Variants in CCSER1 observed in about 807,000 individuals in gnomAD.
The protein encoded by CCSER1 is serine-rich coiled-coil domain-containing protein 1.
In CCSER1, 41 loss-of-function variants were observed where a neutral mutation model predicts 82.0. The ratio of observed to expected loss-of-function variants is 0.50; its 90% CI spans 0.39 to 0.65. CCSER1 has a LOEUF of 0.65. Ranked by LOEUF, CCSER1 falls within the 30% of genes least tolerant of loss-of-function variation. CCSER1 has a pLI of 0.00. For missense variants in CCSER1, 1,119 were observed against 1,064.2 expected (o/e 1.05, Z -0.72); for synonymous variants, 414 against 383.9 (o/e 1.08, Z -0.92).
chr4:90,162,499 C>T (rs1288906973), intron 1 of CCSER1, among the ~76,000 whole-genome samples: 5 of 151,898 alleles, frequency 3.3e-5, no homozygotes, highest in African/African-American at 1.2e-4. Context: ...GTTAACGTAA[C>T]ATAATGGATT....
chr4:90,302,998 A>G (rs1733470236), intron 1 of CCSER1, among the ~76,000 whole-genome samples: 1 of 152,128 alleles, frequency 6.6e-6, no homozygotes, highest in South Asian at 2.1e-4. Context: ...CCTATAGTCT[A>G]TTTTCCTCTT....
intron 5 of CCSER1, among the ~76,000 whole-genome samples, chr4:90,623,023 A>ATTTT (rs35838784): frequency 1.1e-4 from 12 of 112,614 alleles, no homozygotes; most frequent in East Asian, 1.1e-3. Context: ...TGGGTAAAGG[A>ATTTT]TTTTTTTTTT....
intron 9 of CCSER1, among the ~76,000 whole-genome samples, chr4:90,968,496 C>G (rs1465157145): frequency 1.3e-5 from 2 of 152,074 alleles, no homozygotes; most frequent in African/African-American, 4.8e-5. Flanking sequence ...CTAAGCACTT[C>G]AGAGCAAACT....
intron 10 of CCSER1, among the ~76,000 whole-genome samples, chr4:91,301,888 T>C (rs1744696846): frequency 6.6e-6 from 1 of 151,984 alleles, no homozygotes; most frequent in Admixed American, 6.6e-5. Flanking sequence ...CTCATTGATT[T>C]TTCTCTTTTG....
At chr4:91,193,821 G>A (rs915051416) in intron 10 of CCSER1, among the ~76,000 whole-genome samples, 2 of 109,646 alleles carry the variant, frequency 1.8e-5, no homozygotes, top group African/African-American at 8.5e-5. Flanking sequence ...TTGTTTTATT[G>A]ATTTTTTTTT....
At chr4:90,260,622 C>T (rs1373651102) in intron 1 of CCSER1, among the ~76,000 whole-genome samples, 1 of 152,116 alleles carries the variant, frequency 6.6e-6, no homozygotes, top group Non-Finnish European at 1.5e-5. Context: ...TTTTCTATCC[C>T]TTTGACCTTG....
intron 9 of CCSER1, among the ~76,000 whole-genome samples, chr4:90,983,054 C>T (rs1384046270): frequency 1.3e-5 from 2 of 151,744 alleles, no homozygotes; most frequent in Non-Finnish European, 2.9e-5. Flanking sequence ...GCATGACTTA[C>T]GCTATGCATA....
intron 7 of CCSER1, among the ~76,000 whole-genome samples, chr4:90,800,968 C>T (rs530658153): frequency 3.9e-4 from 54 of 139,840 alleles, no homozygotes; most frequent in African/African-American, 1.4e-3. Context: ...GCTCTGTTCT[C>T]TTACTGTATA....
At chr4:90,825,414 TTAGAG>T (rs1242781942) in intron 8 of CCSER1, among the ~76,000 whole-genome samples, 1 of 152,174 alleles carries the variant, frequency 6.6e-6, no homozygotes, top group African/African-American at 2.4e-5. Flanking sequence ...ATTCCAGTAC[TTAGAG>T]TAATTTAACA....
chr4:91,096,089 G>T (rs1724481635), intron 10 of CCSER1, among the ~76,000 whole-genome samples: 1 of 152,180 alleles, frequency 6.6e-6, no homozygotes, highest in South Asian at 2.1e-4. Flanking sequence ...AGTTGAGGAG[G>T]TCAGCAGAGG....
chr4:90,238,261 C>T (rs1560855414), intron 1 of CCSER1, among the ~76,000 whole-genome samples: 1 of 152,122 alleles, frequency 6.6e-6, no homozygotes, highest in Non-Finnish European at 1.5e-5. Flanking sequence ...CAGCAATCCA[C>T]TCCAGGAATG....
intron 6 of CCSER1, among the ~76,000 whole-genome samples, chr4:90,668,590 G>C (rs1732226274): frequency 6.6e-6 from 1 of 151,994 alleles, no homozygotes; most frequent in Admixed American, 6.6e-5. Context: ...AGAATGATTT[G>C]ACAAGGATAT....
At chr4:91,412,309 T>A (rs1341037929) in intron 10 of CCSER1, among the ~76,000 whole-genome samples, 6 of 151,348 alleles carry the variant, frequency 4.0e-5, no homozygotes, top group Non-Finnish European at 8.8e-5. Context: ...ATCCACCAAC[T>A]CAGATCCAGC....
At chr4:91,542,710 C>T (rs1350825111) in intron 10 of CCSER1, among the ~76,000 whole-genome samples, 1 of 152,116 alleles carries the variant, frequency 6.6e-6, no homozygotes, top group Non-Finnish European at 1.5e-5. Context: ...CTGAGGAGTG[C>T]TTTACTTCCA....
At chr4:90,506,078 C>T (rs1770639328) in intron 5 of CCSER1, among the ~76,000 whole-genome samples, 1 of 152,176 alleles carries the variant, frequency 6.6e-6, no homozygotes, top group African/African-American at 2.4e-5. Flanking sequence ...TCTGTACCTT[C>T]CTCAGACCTA....
At chr4:91,270,830 C>A (rs1741968390) in intron 10 of CCSER1, among the ~76,000 whole-genome samples, 1 of 152,060 alleles carries the variant, frequency 6.6e-6, no homozygotes, top group African/African-American at 2.4e-5. Flanking sequence ...ATAATTTTGT[C>A]ATTGCTAATA....
At chr4:90,648,285 G>GAAAGAAAGAAAGAAAGA (rs1553969697) in intron 6 of CCSER1, among the ~76,000 whole-genome samples, 1 of 13,672 alleles carries the variant, frequency 7.3e-5, no homozygotes, top group African/African-American at 2.2e-4. Context: ...AGAAAGAAAG[G>GAAAGAAAGAAAGAAAGA]AAAGAAAGAA....
intron 8 of CCSER1, among the ~76,000 whole-genome samples, chr4:90,897,992 T>G (rs1723978568): frequency 6.6e-6 from 1 of 151,996 alleles, no homozygotes; most frequent in South Asian, 2.1e-4. Context: ...TTAAGGTCCT[T>G]ATAAATTTTG....
chr4:91,338,243 A>G (rs1250759179), intron 10 of CCSER1, among the ~76,000 whole-genome samples: 5 of 152,194 alleles, frequency 3.3e-5, no homozygotes, highest in Admixed American at 2.0e-4. Flanking sequence ...ATAAAAGCTG[A>G]GAATATAAAA....
Sources: allele counts gnomAD v4.1 joint callset (sites outside exome capture counted in the v4.1 genomes callset), GRCh38; gene constraint gnomAD v4.1.1; transcripts MANE v1.5; gene names NCBI Gene and HGNC (gene_info 2026-07-23, HGNC 2026-07-21).